Variants in SERPINB6 observed in about 807,000 individuals in gnomAD.
SERPINB6 encodes serpin B6.
Under a neutral mutation model 26.1 loss-of-function variants are expected in SERPINB6, and 16 were observed. The observed-to-expected ratio is 0.61, with a 90% CI of 0.42 to 0.93. The LOEUF is 0.93. Among genes scored for constraint, SERPINB6 ranks in the 40% least tolerant of loss-of-function variants. SERPINB6 has a pLI of 0.00. For synonymous variants in SERPINB6, 174 were observed against 176.6 expected, an observed-to-expected ratio of 0.99 and a Z score of 0.11; for missense variants, 420 against 478.0, an observed-to-expected ratio of 0.88 and a Z score of 1.13.
chr6:2,966,795 G>A (rs1178895602), intron 1 of SERPINB6: 3 of 244,454 alleles, frequency 1.2e-5, no homozygotes, highest in Non-Finnish European at 1.3e-5. Flanking sequence ...GACTAGATAT[G>A]ATAGGTGCAC....
At chr6:2,955,991 G>A (rs570640497) in intron 2 of SERPINB6, 18 of 292,146 alleles carry the variant, frequency 6.2e-5, no homozygotes, top group Admixed American at 1.4e-4. Context: ...AAAGAGAATC[G>A]CTTGAACCCG....
intron 3 of SERPINB6, 104 bp downstream of exon 3, chr6:2,955,420 G>A: frequency 3.0e-6 from 4 of 1,315,228 alleles, no homozygotes; most frequent in Admixed American, 1.7e-5. Flanking sequence ...AAAAGCCTAT[G>A]TATGGCATAA....
In SERPINB6 at chr6:2,969,262, A is replaced by C. The variant is rs561898931; in HGVS notation, c.-11+2271T>G. 8.1e-6 allele frequency: 8 copies of C among 985,608 alleles called. No individual in the cohort carries two copies. In the East Asian group the frequency reaches 6.8e-4, roughly 84 times the overall value. The allele number at this position is 985,608 out of a possible 1,614,324, so 61.1% of individuals were successfully genotyped here. A position where few individuals can be genotyped will look rare whatever the true frequency, so the allele number is the denominator to read the frequency against. ...TAACAAGGATGCCTGTTTCACAGTC[A>C]CGTTGCAAACTCAAGACCTGTCAAT... On this transcript the variant is annotated intron_variant, in intron 1 of 6. Coordinates refer to ENST00000380539, the MANE Select transcript of SERPINB6 (RefSeq NM_004568.6).
chr6:2,954,729 A>AT lies in SERPINB6; in HGVS notation c.313-21dup. The AT allele has an allele frequency of 6.4e-7, 1 of 1,557,820 alleles. No homozygotes were observed. The highest frequency in any genetic ancestry group is 8.9e-7 in the Non-Finnish European group (1 of 1,128,898). On this transcript the variant is annotated intron_variant, in intron 3 of 6. Transcript: ENST00000380539. ...AAAAGACTAGGATAGACAGAGTGAC[A>AT]TAACTGCCTGGCTACAAAAATGATG...
chr6:2,954,434 A>G (rs1388186373), intron 4 of SERPINB6, among the ~76,000 whole-genome samples, 158 bp downstream of exon 4: 2 of 152,240 alleles, frequency 1.3e-5, no homozygotes, highest in African/African-American at 4.8e-5. Context: ...CCAAAATGTC[A>G]AATAATGGCA....
In SERPINB6 at chr6:2,948,205, C is replaced by T. The variant is rs1426805917; in HGVS notation, c.*93G>A. The T allele has an allele frequency of 7.0e-7, 1 of 1,432,788 alleles. No individual in the cohort carries two copies. The highest frequency in any genetic ancestry group is 1.4e-5 in the African/African-American group (1 of 71,274). 88.8% of individuals were successfully genotyped at this position (1,432,788 alleles called of 1,614,324 possible). On this transcript the variant is annotated 3_prime_UTR_variant, in exon 7 of 7. Coordinates refer to ENST00000380539, the MANE Select transcript of SERPINB6 (RefSeq NM_004568.6). The surrounding 1 kb of genome is among the most constrained non-coding windows in gnomAD (Gnocchi z 5.0). Reference sequence around the variant, plus strand: ...GGGCCCTTTATTTCTGAACTGCCACCACTGCACGGATAAGGCCACTTGGGT... The same window carrying T: ...GGGCCCTTTATTTCTGAACTGCCACTACTGCACGGATAAGGCCACTTGGGT...
rs147350366 is a variant in SERPINB6 at position 2,968,591 on chromosome 6, T to C, written c.-11+2942A>G. On this transcript the variant is annotated intron_variant, in intron 1 of 6. Coordinates refer to ENST00000380539, the MANE Select transcript of SERPINB6 (RefSeq NM_004568.6). Reference sequence around the variant, plus strand: ...ACTAATTCTTTGGATACCACAATTATAGTTTATTGAGTCTTCCGTTCCCTG... The same window carrying C: ...ACTAATTCTTTGGATACCACAATTACAGTTTATTGAGTCTTCCGTTCCCTG... 191 of 1,213,318 alleles carry C rather than the reference T, an allele frequency of 1.6e-4. 1 individual carries two copies. In the African/African-American group the frequency reaches 2.7e-3, roughly 17 times the overall value. The allele number at this position is 1,213,318 out of a possible 1,614,324, so 75.2% of individuals were successfully genotyped here.
At chr6:2,964,834 T>G (rs1023388692) in intron 1 of SERPINB6, among the ~76,000 whole-genome samples, 2 of 152,228 alleles carry the variant, frequency 1.3e-5, no homozygotes, top group Non-Finnish European at 2.9e-5. Context: ...TTTTATTTTA[T>G]GTATGTATTT....
intron 4 of SERPINB6, among the ~76,000 whole-genome samples, chr6:2,953,885 C>T (rs938886287): frequency 6.6e-6 from 1 of 151,992 alleles, no homozygotes; most frequent in African/African-American, 2.4e-5. Flanking sequence ...CAAAAATTAG[C>T]AGGGCATGGT....
intron 1 of SERPINB6, chr6:2,970,238 T>C (rs1772016503): frequency 4.1e-6 from 4 of 985,274 alleles, no homozygotes; most frequent in Admixed American, 6.2e-5. Context: ...TTCACTCTAC[T>C]GTTACTGGTC....
intron 2 of SERPINB6, chr6:2,957,700 G>A (rs554161103): frequency 6.6e-6 from 1 of 152,442 alleles, no homozygotes; most frequent in East Asian, 1.9e-4. Flanking sequence ...GACTAAAAGA[G>A]AGAGACGGCT....
At chr6:2,954,286 T>G (rs1043216600) in intron 4 of SERPINB6, among the ~76,000 whole-genome samples, 3 of 152,164 alleles carry the variant, frequency 2.0e-5, no homozygotes, top group African/African-American at 7.2e-5. Flanking sequence ...AAAACTATAT[T>G]AACATTAACA....
Position 2,966,447 on chromosome 6 carries a change from C to T in SERPINB6, c.-11+5086G>A, listed in dbSNP as rs7751512. 0.31 allele frequency: 304,424 copies of T among 984,044 alleles called. 48,008 individuals are homozygous for T. Among genetic ancestry groups the T allele is most frequent in the East Asian group, 0.47 (4,110 of 8,802 alleles). 61.0% of individuals were successfully genotyped at this position (984,044 alleles called of 1,614,324 possible). Reference sequence around the variant, plus strand: ...AGATCCGTCTGTGGTCTGTTAGGAACTGGGCCACGCAGCAGGAGGTGAGCA... The same window carrying T: ...AGATCCGTCTGTGGTCTGTTAGGAATTGGGCCACGCAGCAGGAGGTGAGCA... On this transcript the variant is annotated intron_variant, in intron 1 of 6. Coordinates refer to ENST00000380539, the MANE Select transcript of SERPINB6 (RefSeq NM_004568.6).
chr6:2,950,532 CAA>C (rs5873848), intron 5 of SERPINB6, among the ~76,000 whole-genome samples: 249 of 110,134 alleles, frequency 2.3e-3, no homozygotes, highest in Middle Eastern at 4.5e-3. Flanking sequence ...GACTCCATCT[CAA>C]AAAAAAAAAA....
intron 4 of SERPINB6, 94 bp downstream of exon 4, chr6:2,954,497 AT>A: frequency 2.9e-6 from 3 of 1,029,852 alleles, no homozygotes; most frequent in Non-Finnish European, 4.6e-6. Flanking sequence ...AGAAAAAAAA[AT>A]CATTCCTGTT....
At chr6:2,962,082 C>G in intron 1 of SERPINB6, 2 of 985,408 alleles carry the variant, frequency 2.0e-6, no homozygotes, top group Non-Finnish European at 2.4e-6. Context: ...ATAAAACACT[C>G]CGTCTCCGGT....
chr6:2,966,510 T>C (rs1266663681), intron 1 of SERPINB6: 3 of 601,296 alleles, frequency 5.0e-6, no homozygotes, highest in Non-Finnish European at 4.2e-6. Context: ...CTCCACCTCC[T>C]GTTAGGTCAG....
rs1417903110 is a variant in SERPINB6, at chr6:2,967,339, C to T, written c.-11+4194G>A. The T allele has an allele frequency of 2.2e-6, 1 of 463,184 alleles. No individual in the cohort carries two copies. Among genetic ancestry groups the T allele is most frequent in the East Asian group, 1.5e-4 (1 of 6,510 alleles). 28.7% of individuals were successfully genotyped at this position (463,184 alleles called of 1,614,324 possible). A position where few individuals can be genotyped will look rare whatever the true frequency, so the allele number is the denominator to read the frequency against. On this transcript the variant is annotated intron_variant, in intron 1 of 6. Coordinates refer to ENST00000380539, the MANE Select transcript of SERPINB6 (RefSeq NM_004568.6). This position sits in a 1 kb window ranked among gnomAD's most constrained non-coding sequence, Gnocchi z 4.3. ...TGTAAAAGCCAAAACTATAAAAAAC[C>T]CTGGAAGACAATCTAGGCAATACCA...
chr6:2,970,287 T>A, intron 1 of SERPINB6: 1 of 985,844 alleles, frequency 1.0e-6, no homozygotes. Flanking sequence ...ATAAAATGCA[T>A]TGGAATTGGC....
Sources: gnomAD v4.1 joint callset for allele counts (sites outside exome capture counted in the v4.1 genomes callset) on GRCh38, gnomAD v4.1.1 for gene constraint, Gnocchi (gnomAD v3.1) non-coding constraint, MANE v1.5 for transcripts, NCBI Gene and HGNC (gene_info 2026-07-23, HGNC 2026-07-21) for gene names.